The following SGCZ variants were observed in gnomAD, a reference collection of about 807,000 sequenced individuals.
The protein encoded by SGCZ is sarcoglycan zeta.
Under a neutral mutation model 41.3 loss-of-function variants are expected in SGCZ, and 40 were observed. The ratio of observed to expected loss-of-function variants is 0.97; its 90% CI spans 0.75 to 1.26. The LOEUF (loss-of-function observed/expected upper bound fraction) is 1.26. Ranked by LOEUF, SGCZ falls within the 50% of genes most tolerant of loss-of-function variation. The pLI, the probability that SGCZ is intolerant of heterozygous loss-of-function variation, is 0.00. For synonymous variants in SGCZ, 206 were observed against 137.5 expected, an observed-to-expected ratio of 1.50 and a Z score of -3.49; for missense variants, 552 against 369.8, an observed-to-expected ratio of 1.49 and a Z score of -4.04.
At chr8:14,232,255 T>C (rs1806599102) in intron 4 of SGCZ, among the ~76,000 whole-genome samples, 1 of 151,974 alleles carries the variant, frequency 6.6e-6, no homozygotes. Context: ...ATTATCATTA[T>C]CTCTACTTCC....
intron 2 of SGCZ, among the ~76,000 whole-genome samples, chr8:14,427,790 C>T (rs1475947909): frequency 6.6e-6 from 1 of 152,118 alleles, no homozygotes; most frequent in East Asian, 1.9e-4. Flanking sequence ...TCAACTTAAA[C>T]AGTAATAAGC....
intron 3 of SGCZ, among the ~76,000 whole-genome samples, chr8:14,242,868 A>G (rs111764846): frequency 5.3e-5 from 8 of 152,284 alleles, no homozygotes; most frequent in African/African-American, 1.9e-4. Flanking sequence ...TGTCAAACCA[A>G]TATAAAAAAA....
At chr8:14,991,414 T>C (rs1402506850) in intron 1 of SGCZ, among the ~76,000 whole-genome samples, 1 of 152,192 alleles carries the variant, frequency 6.6e-6, no homozygotes, top group Non-Finnish European at 1.5e-5. Flanking sequence ...AAATGATGTG[T>C]ATGAGCATTG....
At chr8:14,791,694 C>T (rs1304303611) in intron 1 of SGCZ, among the ~76,000 whole-genome samples, 1 of 152,118 alleles carries the variant, frequency 6.6e-6, no homozygotes, top group Non-Finnish European at 1.5e-5. Context: ...TTCACAGCAA[C>T]CCAGGAGAAT....
intron 1 of SGCZ, among the ~76,000 whole-genome samples, chr8:14,668,548 A>T (rs1016052518): frequency 4.6e-5 from 7 of 152,148 alleles, no homozygotes; most frequent in Admixed American, 3.3e-4. Context: ...CTCTGTTTTG[A>T]ACTTCATAAC....
intron 2 of SGCZ, among the ~76,000 whole-genome samples, chr8:14,439,592 G>A (rs1309227767): frequency 6.6e-6 from 1 of 151,616 alleles, no homozygotes; most frequent in Non-Finnish European, 1.5e-5. Context: ...TTAATAAACA[G>A]GGAGGTTTCC....
intron 4 of SGCZ, among the ~76,000 whole-genome samples, chr8:14,181,017 T>A (rs989178223): frequency 1.3e-5 from 2 of 152,106 alleles, no homozygotes; most frequent in Non-Finnish European, 2.9e-5. Context: ...TCGATACCGT[T>A]TGCAAGGCCT....
chr8:14,448,361 C>A (rs1800494717), intron 2 of SGCZ, among the ~76,000 whole-genome samples: 1 of 152,152 alleles, frequency 6.6e-6, no homozygotes, highest in African/African-American at 2.4e-5. Context: ...TTACAGGTGC[C>A]AATTTCCTCT....
At chr8:14,636,548 G>T (rs143837628) in intron 1 of SGCZ, among the ~76,000 whole-genome samples, 1 of 151,866 alleles carries the variant, frequency 6.6e-6, no homozygotes, top group Non-Finnish European at 1.5e-5. Flanking sequence ...TTTTTGCTTA[G>T]ATGAATAGGC....
intron 3 of SGCZ, chr8:14,309,045 C>T: frequency 3.0e-6 from 4 of 1,330,306 alleles, no homozygotes; most frequent in Non-Finnish European, 4.2e-6. Context: ...GAAGCCTCCC[C>T]TACTCTTAAT....
chr8:15,048,963 C>T (rs751054886), intron 1 of SGCZ, among the ~76,000 whole-genome samples: 7 of 152,170 alleles, frequency 4.6e-5, no homozygotes, highest in South Asian at 4.1e-4. Flanking sequence ...CCAAGACAAA[C>T]GTACTTTACT....
intron 2 of SGCZ, among the ~76,000 whole-genome samples, chr8:14,361,058 T>C (rs141355629): frequency 9.0e-4 from 137 of 152,338 alleles, no homozygotes; most frequent in African/African-American, 3.2e-3. Context: ...CATCTTTCCA[T>C]GTGCTTTTTT....
intron 1 of SGCZ, among the ~76,000 whole-genome samples, chr8:14,937,881 T>C (rs1400022034): frequency 2.0e-5 from 3 of 152,116 alleles, no homozygotes; most frequent in South Asian, 2.1e-4. Flanking sequence ...TTTTTAAAAA[T>C]TCATGATGAA....
chr8:14,754,206 A>G (rs983423056), intron 1 of SGCZ, among the ~76,000 whole-genome samples: 5 of 152,166 alleles, frequency 3.3e-5, no homozygotes, highest in African/African-American at 1.2e-4. Context: ...GATTACTCTT[A>G]TAACACTTGG....
intron 1 of SGCZ, among the ~76,000 whole-genome samples, chr8:15,190,483 A>T (rs534784914): frequency 6.6e-6 from 1 of 152,266 alleles, no homozygotes; most frequent in East Asian, 1.9e-4. Flanking sequence ...TAGGCAAGTC[A>T]AAGATTAGAA....
chr8:14,507,305 G>A (rs1270979577), intron 2 of SGCZ, among the ~76,000 whole-genome samples: 1 of 152,064 alleles, frequency 6.6e-6, no homozygotes, highest in Non-Finnish European at 1.5e-5. Context: ...TCCATCCCAA[G>A]CATTCCATCA....
At chr8:14,903,206 A>C (rs1222142487) in intron 1 of SGCZ, among the ~76,000 whole-genome samples, 1 of 152,094 alleles carries the variant, frequency 6.6e-6, no homozygotes, top group East Asian at 1.9e-4. Context: ...ACAGAACTGA[A>C]ATTTCATCAA....
At chr8:14,685,581 T>G (rs960347975) in intron 1 of SGCZ, among the ~76,000 whole-genome samples, 2 of 152,076 alleles carry the variant, frequency 1.3e-5, no homozygotes, top group African/African-American at 4.8e-5. Context: ...CAATACCCAG[T>G]TTTAATGGCT....
intron 1 of SGCZ, among the ~76,000 whole-genome samples, chr8:14,640,348 T>A (rs1563172078): frequency 6.6e-6 from 1 of 151,756 alleles, no homozygotes; most frequent in African/African-American, 2.4e-5. Context: ...TTTAGCACTT[T>A]GAAGATATCG....
Sources: allele counts gnomAD v4.1 joint callset (sites outside exome capture counted in the v4.1 genomes callset), GRCh38; gene constraint gnomAD v4.1.1; transcripts MANE v1.5; gene names NCBI Gene and HGNC (gene_info 2026-07-23, HGNC 2026-07-21).